The following TMPRSS15 variants were observed in gnomAD, a reference collection of about 807,000 sequenced individuals.
TMPRSS15 encodes transmembrane serine protease 15, also known as enteropeptidase.
Under a neutral mutation model 125.3 loss-of-function variants are expected in TMPRSS15, and 128 were observed. That is an observed-to-expected ratio of 1.02 (90% CI 0.89 to 1.18). The LOEUF (loss-of-function observed/expected upper bound fraction) is 1.18. Ranked by LOEUF, TMPRSS15 falls within the 50% of genes most tolerant of loss-of-function variation. The probability of loss-of-function intolerance (pLI) is 0.00; values close to 1 mark genes in which losing one functional copy is unlikely to be tolerated. For synonymous variants in TMPRSS15, 446 were observed against 423.2 expected (o/e 1.05, Z -0.66); for missense variants, 1,283 against 1,212.7 (o/e 1.06, Z -0.86).
intron 1 of TMPRSS15, among the ~76,000 whole-genome samples, chr21:18,420,692 T>C (rs2076190387): frequency 6.6e-6 from 1 of 152,154 alleles, no homozygotes; most frequent in Non-Finnish European, 1.5e-5. Flanking sequence ...TAAGAGAGTT[T>C]TTCAAATAGC....
At chr21:18,405,127 A>G (rs991691750), upstream of TMPRSS15, among the ~76,000 whole-genome samples, 4 of 152,082 alleles carry the variant, frequency 2.6e-5, no homozygotes, top group African/African-American at 9.7e-5. Flanking sequence ...TTTTTAGAAT[A>G]TCATATAGCG....
intron 1 of TMPRSS15, among the ~76,000 whole-genome samples, chr21:18,411,733 T>C (rs180930419): frequency 1.3e-5 from 2 of 152,196 alleles, no homozygotes; most frequent in Non-Finnish European, 2.9e-5. Context: ...TGTGGTTTTT[T>C]ACCTTGCCAT....
intron 3 of TMPRSS15, among the ~76,000 whole-genome samples, chr21:18,390,780 T>C (rs930929508): frequency 3.3e-5 from 5 of 152,126 alleles, no homozygotes; most frequent in African/African-American, 9.7e-5. Context: ...AGAGTGCCAG[T>C]ATATTAATCC....
chr21:18,391,906 G>A (rs889407576), intron 3 of TMPRSS15, among the ~76,000 whole-genome samples: 4 of 152,236 alleles, frequency 2.6e-5, no homozygotes, highest in African/African-American at 4.8e-5. Context: ...GCGGGCCCAC[G>A]TGGAAGTTGC....
chr21:18,388,495 A>G (rs1201595798), intron 3 of TMPRSS15, among the ~76,000 whole-genome samples: 1 of 152,200 alleles, frequency 6.6e-6, no homozygotes, highest in Non-Finnish European at 1.5e-5. Flanking sequence ...CATGTTGTAG[A>G]CATGTAAACA....
At chr21:18,409,542 A>G (rs1032387936) in intron 1 of TMPRSS15, among the ~76,000 whole-genome samples, 1 of 151,952 alleles carries the variant, frequency 6.6e-6, no homozygotes, top group Non-Finnish European at 1.5e-5. Flanking sequence ...TCTCTCTCAT[A>G]CATTTCAATT....
At chr21:18,295,977 C>T (rs939414276) in intron 19 of TMPRSS15, among the ~76,000 whole-genome samples, 1 of 152,072 alleles carries the variant, frequency 6.6e-6, no homozygotes, top group Non-Finnish European at 1.5e-5. Context: ...ACGGTGAAAC[C>T]CCGTCTCTAC....
intron 24 of TMPRSS15, among the ~76,000 whole-genome samples, chr21:18,273,455 T>C (rs757644695): frequency 2.0e-5 from 3 of 152,214 alleles, no homozygotes; most frequent in Non-Finnish European, 2.9e-5. Flanking sequence ...ATGATAACAT[T>C]TTATTATACA....
intron 1 of TMPRSS15, among the ~76,000 whole-genome samples, chr21:18,463,855 T>A (rs1462801577): frequency 6.6e-6 from 1 of 152,008 alleles, no homozygotes. Context: ...GACTACTGCA[T>A]AAATAACGAA....
At chr21:18,485,221 GTTAAA>G (rs1460211831) in intron 1 of TMPRSS15, among the ~76,000 whole-genome samples, 1 of 151,696 alleles carries the variant, frequency 6.6e-6, no homozygotes. Flanking sequence ...CCAATAAATT[GTTAAA>G]TTAATAGATA....
chr21:18,340,243 A>C (rs1403689073), intron 13 of TMPRSS15, among the ~76,000 whole-genome samples: 1 of 152,190 alleles, frequency 6.6e-6, no homozygotes, highest in African/African-American at 2.4e-5. Context: ...GCAGAAGAAC[A>C]TGGAAGGATT....
At chr21:18,306,998 G>T (rs1421088361) in intron 18 of TMPRSS15, among the ~76,000 whole-genome samples, 2 of 152,136 alleles carry the variant, frequency 1.3e-5, no homozygotes, top group African/African-American at 4.8e-5. Flanking sequence ...TACCCTATCT[G>T]CATAAATAAT....
intron 3 of TMPRSS15, among the ~76,000 whole-genome samples, chr21:18,391,797 C>CCTGCAGCAGACTTCTGCCT (rs2075993114): frequency 6.6e-6 from 1 of 152,218 alleles, no homozygotes; most frequent in South Asian, 2.1e-4. Context: ...GAGTTCTGCC[C>CCTGCAGCAGACTTCTGCCT]CTGCAGCAGA....
At chr21:18,426,824 T>G (rs1257948257) in intron 1 of TMPRSS15, among the ~76,000 whole-genome samples, 1 of 152,232 alleles carries the variant, frequency 6.6e-6, no homozygotes, top group Admixed American at 6.5e-5. Flanking sequence ...AATAGTTTAG[T>G]GATCACATAT....
chr21:18,427,370 CTTAACTA>C (rs1601459207), intron 1 of TMPRSS15, among the ~76,000 whole-genome samples: 1 of 42,082 alleles, frequency 2.4e-5, no homozygotes, highest in Non-Finnish European at 8.4e-5. Context: ...CCTTGCCTTA[CTTAACTA>C]TTACATTTAA....
chr21:18,329,394 A>T, intron 14 of TMPRSS15, 100 bp from the exon 15 acceptor site: 2 of 1,272,524 alleles, frequency 1.6e-6, no homozygotes, highest in African/African-American at 1.5e-5. Context: ...AAAAAAATCA[A>T]TTTTTTTTCC....
intron 12 of TMPRSS15, 86 bp downstream of exon 12, chr21:18,343,420 C>T: frequency 4.8e-6 from 6 of 1,242,802 alleles, no homozygotes; most frequent in Middle Eastern, 2.7e-4. Flanking sequence ...TCAGAAAATA[C>T]ATTAATTTTT....
intron 16 of TMPRSS15, among the ~76,000 whole-genome samples, chr21:18,323,912 G>A (rs915905989): frequency 6.6e-6 from 1 of 152,086 alleles, no homozygotes; most frequent in African/African-American, 2.4e-5. Flanking sequence ...CTTAAAACAT[G>A]AGAAATATTA....
At chr21:18,303,233 T>G (rs2074992085) in intron 18 of TMPRSS15, among the ~76,000 whole-genome samples, 1 of 152,152 alleles carries the variant, frequency 6.6e-6, no homozygotes, top group African/African-American at 2.4e-5. Flanking sequence ...TTCTGTAGTA[T>G]TCTATTAACT....
Sources: allele counts gnomAD v4.1 joint callset (sites outside exome capture counted in the v4.1 genomes callset), GRCh38; gene constraint gnomAD v4.1.1; transcripts MANE v1.5; gene names NCBI Gene and HGNC (gene_info 2026-07-23, HGNC 2026-07-21).